The following DLGAP4 variants were observed in gnomAD, a reference collection of about 807,000 sequenced individuals.
DLGAP4 encodes DLG associated protein 4.
DLGAP4 carries 18 observed loss-of-function variants against 86.9 expected under a neutral mutation model. That is an observed-to-expected ratio of 0.21 (90% CI 0.14 to 0.31). The LOEUF (loss-of-function observed/expected upper bound fraction) is 0.31. Among genes scored for constraint, DLGAP4 ranks in the 10% least tolerant of loss-of-function variants. The pLI is 1.00. For synonymous variants in DLGAP4, 548 were observed against 574.3 expected, an observed-to-expected ratio of 0.95 and a Z score of 0.65; for missense variants, 1,085 against 1,362.6, an observed-to-expected ratio of 0.80 and a Z score of 3.21.
At chr20:36,459,956 C>CA (rs1270942905) in intron 7 of DLGAP4, among the ~76,000 whole-genome samples, 4 of 152,198 alleles carry the variant, frequency 2.6e-5, no homozygotes, top group African/African-American at 9.6e-5. Flanking sequence ...TTCAGGGTGT[C>CA]AATCACGGTC....
At chr20:36,342,693 C>T (rs572557064) in intron 1 of DLGAP4, among the ~76,000 whole-genome samples, 1 of 152,326 alleles carries the variant, frequency 6.6e-6, no homozygotes, top group African/African-American at 2.4e-5. Context: ...CAGAGACTGG[C>T]TCCTCTGCCG....
chr20:36,382,999 C>T (rs141228378), intron 2 of DLGAP4, among the ~76,000 whole-genome samples: 112 of 152,258 alleles, frequency 7.4e-4, no homozygotes, highest in Middle Eastern at 6.8e-3. Context: ...TTTACTAAGC[C>T]CTTTTTATGT....
intron 1 of DLGAP4, among the ~76,000 whole-genome samples, chr20:36,320,782 G>A (rs1298568938): frequency 2.0e-5 from 3 of 152,006 alleles, no homozygotes; most frequent in African/African-American, 7.3e-5. Context: ...GCCCTCTACC[G>A]ACTTTGGACG....
At chr20:36,392,675 T>C (rs2425244) in intron 2 of DLGAP4, among the ~76,000 whole-genome samples, 109,312 of 152,170 alleles carry the variant, frequency 0.72, 39,886 homozygotes, top group African/African-American at 0.85. Flanking sequence ...GCCCATTCAC[T>C]CATTTGTTTA....
chr20:36,446,714 G>T lies in DLGAP4; in HGVS notation c.1425G>T (p.Leu475=). The stretch of plus-strand genomic sequence containing the variant: ...CTGGACAGGTACGGGAGGCAGAGCT[G>T]AGTGACCAGTATGAGGCGGCCTGCG... ...GHEQQVREAE[L]SDQYEAACES... The change falls in exon 7 of 13, where the codon CTG becomes CTT. Residue 475 remains leucine, a synonymous_variant. Coordinates refer to ENST00000339266, the MANE Select transcript of DLGAP4 (RefSeq NM_001365621.2). 3 of 1,606,080 alleles carry T rather than the reference G, an allele frequency of 1.9e-6. No individual in the cohort carries two copies. In the South Asian group the frequency reaches 3.3e-5, roughly 18 times the overall value.
chr20:36,321,500 C>T (rs1405011094), intron 1 of DLGAP4, among the ~76,000 whole-genome samples: 1 of 152,246 alleles, frequency 6.6e-6, no homozygotes, highest in African/African-American at 2.4e-5. Flanking sequence ...GCCCCGGCTT[C>T]CACCTCGGAT....
At chr20:36,355,328 C>T (rs1431517650) in intron 1 of DLGAP4, among the ~76,000 whole-genome samples, 3 of 148,582 alleles carry the variant, frequency 2.0e-5, no homozygotes, top group African/African-American at 7.5e-5. Flanking sequence ...GACAGGGTCT[C>T]ACTCTGTCTT....
At chr20:36,464,793 T>C (rs2034266427) in intron 7 of DLGAP4, among the ~76,000 whole-genome samples, 1 of 151,676 alleles carries the variant, frequency 6.6e-6, no homozygotes, top group Admixed American at 6.6e-5. Flanking sequence ...GAGGTTGCAG[T>C]GAGCTGAGAT....
intron 1 of DLGAP4, among the ~76,000 whole-genome samples, chr20:36,356,523 G>A (rs1555893850): frequency 7.2e-5 from 11 of 152,076 alleles, no homozygotes. Context: ...TGTTGGCCAT[G>A]CTGGTCTCGA....
At chr20:36,416,987 A>T (rs189802247) in intron 2 of DLGAP4, among the ~76,000 whole-genome samples, 1 of 152,242 alleles carries the variant, frequency 6.6e-6, no homozygotes, top group East Asian at 1.9e-4. Flanking sequence ...CCAGGGATAG[A>T]GTGGAAAATG....
intron 1 of DLGAP4, among the ~76,000 whole-genome samples, chr20:36,345,908 C>A (rs2029921949): frequency 6.6e-6 from 1 of 152,184 alleles, no homozygotes; most frequent in African/African-American, 2.4e-5. Flanking sequence ...CAGGCACTTA[C>A]CACCACACCA....
chr20:36,332,020 G>A (rs1181962767), intron 1 of DLGAP4, among the ~76,000 whole-genome samples: 4 of 151,956 alleles, frequency 2.6e-5, no homozygotes, highest in African/African-American at 9.7e-5. Flanking sequence ...AGGACAGGGG[G>A]TGCGTCTAGC....
intron 7 of DLGAP4, chr20:36,462,402 T>C: frequency 6.9e-7 from 1 of 1,455,164 alleles, no homozygotes; most frequent in South Asian, 1.5e-5. Context: ...TCTGTGCCTC[T>C]TGCGCTGAAG....
Position 36,431,129 on chromosome 20 carries a change from G to A in DLGAP4, c.-72-517G>A, listed in dbSNP as rs1378490099. 5.3e-5 allele frequency among the ~76,000 whole-genome samples: 5 copies of A among 93,972 alleles called. No homozygotes were observed. Among genetic ancestry groups the A allele is most frequent in the African/African-American group, 8.9e-5 (3 of 33,852 alleles). The allele number at this position is 93,972 out of a possible 152,430, so 61.6% of individuals were successfully genotyped here. A position where few individuals can be genotyped will look rare whatever the true frequency, so the allele number is the denominator to read the frequency against. ...TTCCCTGCCCAAATGACCCACGCCT[G>A]CCTCCAGGGCCAGCACAGGGTCCTC... is the stretch of plus-strand genomic sequence containing the variant. On this transcript the variant is annotated intron_variant, in intron 2 of 12. Transcript: ENST00000339266. This position sits in a 1 kb window ranked among gnomAD's most constrained non-coding sequence, Gnocchi z 5.1.
chr20:36,363,587 G>A (rs1287321822), intron 1 of DLGAP4, among the ~76,000 whole-genome samples: 1 of 152,132 alleles, frequency 6.6e-6, no homozygotes, highest in Non-Finnish European at 1.5e-5. Flanking sequence ...GTGGCTGGAA[G>A]GGCAGGATTC....
At chr20:36,338,654 G>A (rs1407913536) in intron 1 of DLGAP4, among the ~76,000 whole-genome samples, 8 of 152,246 alleles carry the variant, frequency 5.3e-5, no homozygotes, top group African/African-American at 1.9e-4. Context: ...GCCCTGGGCC[G>A]ACTGGCCTCT....
intron 10 of DLGAP4, among the ~76,000 whole-genome samples, chr20:36,507,123 T>TAA (rs749935374): frequency 1.6e-4 from 25 of 152,298 alleles, no homozygotes; most frequent in Middle Eastern, 3.4e-3. Flanking sequence ...TCCTGTCTCT[T>TAA]AAGAATGATA....
intron 1 of DLGAP4, among the ~76,000 whole-genome samples, chr20:36,336,906 G>A (rs138828362): frequency 0.028 from 4,304 of 152,302 alleles, 202 homozygotes; most frequent in African/African-American, 0.098. Context: ...GGGGCCCCCA[G>A]CCCGCACCCA....
chr20:36,496,512 G>A lies in DLGAP4; in HGVS notation c.1649-193G>A, dbSNP rs2035893197. On this transcript the variant is annotated intron_variant, in intron 7 of 12. Coordinates refer to ENST00000339266, the MANE Select transcript of DLGAP4 (RefSeq NM_001365621.2). The stretch of plus-strand genomic sequence containing the variant: ...CTTTGTCTCGAATGAGGGTGGGTAG[G>A]GCCTGTGTGTGTCTGTCTTGGTCAT... 2.0e-5 allele frequency among the ~76,000 whole-genome samples: 3 copies of A among 152,210 alleles called. No individual in the cohort carries two copies. The South Asian group carries it at 6.2e-4, about 32-fold the overall frequency.
Sources: gnomAD v4.1 joint callset for allele counts (sites outside exome capture counted in the v4.1 genomes callset) on GRCh38, gnomAD v4.1.1 for gene constraint, Gnocchi (gnomAD v3.1) non-coding constraint, MANE v1.5 for transcripts, NCBI Gene and HGNC (gene_info 2026-07-23, HGNC 2026-07-21) for gene names.